Variants in GPATCH1 observed in about 807,000 individuals in gnomAD.
The protein encoded by GPATCH1 is G patch domain-containing protein 1.
In GPATCH1, 73 loss-of-function variants were observed where a neutral mutation model predicts 114.9. That is an observed-to-expected ratio of 0.64 (90% CI 0.53 to 0.77). GPATCH1 has a LOEUF of 0.77. GPATCH1 is among the 30% of genes least tolerant of loss of function. The pLI is 0.00. For synonymous variants in GPATCH1, 391 were observed against 428.4 expected (o/e 0.91, Z 1.08); for missense variants, 1,058 against 1,144.3 (o/e 0.92, Z 1.09).
chr19:33,093,861 C>T (rs1181476435), intron 4 of GPATCH1, among the ~76,000 whole-genome samples: 1 of 152,168 alleles, frequency 6.6e-6, no homozygotes, highest in African/African-American at 2.4e-5. Context: ...GGCTTGTGGC[C>T]TGATATGGCA....
rs754381743 is a variant in GPATCH1, at chr19:33,093,533, TCTGA to T, written c.455+18_455+21del. On this transcript the variant is annotated intron_variant, in intron 4 of 19. Transcript: ENST00000170564. ...AACGCCAGCAAAGTGAGCATTTCCT[TCTGA>T]CTGTCATGATCTTAGCACCGGTGTT... 3.1e-6 allele frequency: 5 copies of T among 1,607,448 alleles called. No individual in the cohort carries two copies. The highest frequency in any genetic ancestry group is 1.3e-5 in the African/African-American group (1 of 74,648).
At chr19:33,126,506 C>T in intron 18 of GPATCH1, 82 bp from the exon 19 acceptor site, 1 of 1,581,004 alleles carries the variant, frequency 6.3e-7, no homozygotes, top group Non-Finnish European at 8.5e-7. Context: ...TCCATCACTG[C>T]AGCCTTGTTA....
At chr19:33,107,863 T>A (rs956202199) in intron 10 of GPATCH1, among the ~76,000 whole-genome samples, 10 of 152,098 alleles carry the variant, frequency 6.6e-5, no homozygotes, top group African/African-American at 1.4e-4. Context: ...TATTTTTTTT[T>A]ATTATACTTT....
intron 17 of GPATCH1, among the ~76,000 whole-genome samples, chr19:33,124,471 A>G (rs1973018386): frequency 1.3e-5 from 2 of 152,206 alleles, no homozygotes; most frequent in Admixed American, 6.6e-5. Context: ...CACCGCTCCC[A>G]GCCCATTATG....
intron 9 of GPATCH1, among the ~76,000 whole-genome samples, chr19:33,104,351 G>GAAAAAGAA (rs796432569): frequency 7.1e-6 from 1 of 140,176 alleles, no homozygotes; most frequent in African/African-American, 2.8e-5. Context: ...AAAAAAGAAA[G>GAAAAAGAA]AAATACTTTG....
In GPATCH1 at chr19:33,088,156, C is replaced by G. The variant is rs749926716; in HGVS notation, c.96C>G (p.Ile32Met). 1 of 1,526,636 alleles carries G rather than the reference C, an allele frequency of 6.6e-7. No homozygotes were observed. The highest frequency in any genetic ancestry group is 8.8e-7 in the Non-Finnish European group (1 of 1,130,004). The allele number at this position is 1,526,636 out of a possible 1,614,324, so 94.6% of individuals were successfully genotyped here. A position where few individuals can be genotyped will look rare whatever the true frequency, so the allele number is the denominator to read the frequency against. The change falls in exon 2 of 20, where the codon ATC becomes ATG. Residue 32 changes from isoleucine (I) to methionine (M), a missense_variant. By Grantham distance (10) the Ile-to-Met change is conservative. Coordinates refer to ENST00000170564, the MANE Select transcript of GPATCH1 (RefSeq NM_018025.3). ...TAGGTGAAAGACCAAAGAAACCAAT[C>G]CCTCTTCAGGATCAGACTGTCAGAG... ...LEEGERPKKP[I>M]PLQDQTVRDE...
intron 5 of GPATCH1, 149 bp from the exon 6 acceptor site, chr19:33,095,613 G>C: frequency 1.5e-6 from 1 of 648,622 alleles, no homozygotes; most frequent in East Asian, 2.6e-5. Flanking sequence ...TGTTACCCAG[G>C]CTGGTCTTGA....
At chr19:33,095,055 G>T (rs542838377) in intron 5 of GPATCH1, among the ~76,000 whole-genome samples, 1 of 152,034 alleles carries the variant, frequency 6.6e-6, no homozygotes, top group African/African-American at 2.4e-5. Flanking sequence ...TCCCAGCTAC[G>T]ACTCAGGAGA....
At chr19:33,095,928 C>T in intron 6 of GPATCH1, 108 bp downstream of exon 6, 1 of 841,224 alleles carries the variant, frequency 1.2e-6, no homozygotes, top group Admixed American at 1.7e-5. Flanking sequence ...AATAACTATA[C>T]AGTTAAATAC....
chr19:33,122,458 G>A (rs1972996023), intron 17 of GPATCH1, among the ~76,000 whole-genome samples: 1 of 151,914 alleles, frequency 6.6e-6, no homozygotes, highest in Non-Finnish European at 1.5e-5. Context: ...CCAACTAGCT[G>A]GGACTACAGG....
At chr19:33,093,635 C>A in intron 4 of GPATCH1, 116 bp downstream of exon 4, 2 of 995,406 alleles carry the variant, frequency 2.0e-6, no homozygotes, top group South Asian at 1.6e-5. Flanking sequence ...GGCTCAAAGT[C>A]TAAGTGAAAA....
At chr19:33,110,516 A>G (rs1972839658) in intron 11 of GPATCH1, among the ~76,000 whole-genome samples, 1 of 152,186 alleles carries the variant, frequency 6.6e-6, no homozygotes, top group Non-Finnish European at 1.5e-5. Context: ...TTGCTGTTGT[A>G]TGCAGTAGTC....
In GPATCH1 at chr19:33,081,223, A is replaced by C. The variant is rs140377964; in HGVS notation, c.30A>C (p.Glu10Asp). The change falls in exon 1 of 20, where the codon GAA (glutamate) becomes GAC (aspartate). Residue 10 changes from glutamate to aspartate, a missense_variant. Glu to Asp is a conservative substitution (Grantham distance 45). Coordinates refer to ENST00000170564, the MANE Select transcript of GPATCH1 (RefSeq NM_018025.3). ...CGGCGCGGGACAGTGACAGCGAAGA[A>C]GATCTGGTCAGCTATGGGACCGGGC... The part of the protein sequence containing the change: MAARDSDSE[E>D]DLVSYGTGLE... The C allele has an allele frequency of 1.3e-6, 2 of 1,551,682 alleles. No individual in the cohort carries two copies. Among genetic ancestry groups the C allele is most frequent in the African/African-American group, 2.7e-5 (2 of 73,104 alleles).
chr19:33,081,224 G>A lies in GPATCH1; in HGVS notation c.31G>A (p.Asp11Asn). The A allele has an allele frequency of 1.3e-6, 2 of 1,551,862 alleles. No homozygotes were observed. Among genetic ancestry groups the A allele is most frequent in the South Asian group, 1.2e-5 (1 of 84,066 alleles). Residue 11 changes from aspartate to asparagine, a missense_variant, in exon 1 of 20, where the codon GAT becomes AAT. By Grantham distance (23) the Asp-to-Asn change is conservative (BLOSUM62 1). Around this residue, in one of 3 missense-constraint regions of GPATCH1, gnomAD observed 131 missense variants for 107.2 expected, o/e 1.22. Coordinates refer to ENST00000170564, the MANE Select transcript of GPATCH1 (RefSeq NM_018025.3). Reference protein sequence around the residue: MAARDSDSEEDLVSYGTGLEP... With the variant: MAARDSDSEENLVSYGTGLEP... ...GGCGCGGGACAGTGACAGCGAAGAA[G>A]ATCTGGTCAGCTATGGGACCGGGCT...
chr19:33,092,915 A>T (rs1972612601), intron 3 of GPATCH1, among the ~76,000 whole-genome samples: 1 of 152,164 alleles, frequency 6.6e-6, no homozygotes, highest in African/African-American at 2.4e-5. Flanking sequence ...GAGGCGGGGC[A>T]CGGTGGCTCA....
intron 19 of GPATCH1, among the ~76,000 whole-genome samples, chr19:33,128,319 G>A (rs1405740051): frequency 6.6e-6 from 1 of 152,112 alleles, no homozygotes; most frequent in Non-Finnish European, 1.5e-5. Flanking sequence ...GGAGTGCAGT[G>A]GCGCGATCTT....
intron 16 of GPATCH1, among the ~76,000 whole-genome samples, chr19:33,118,623 C>T (rs548268878): frequency 2.0e-5 from 3 of 152,232 alleles, no homozygotes; most frequent in East Asian, 1.9e-4. Context: ...ACTTGTCTCC[C>T]GCAGTTCTCT....
At chr19:33,103,178 T>C (rs1972746028) in intron 9 of GPATCH1, among the ~76,000 whole-genome samples, 1 of 152,236 alleles carries the variant, frequency 6.6e-6, no homozygotes, top group South Asian at 2.1e-4. Flanking sequence ...ATCAGCTTTT[T>C]GTTTTTTATT....
intron 15 of GPATCH1, among the ~76,000 whole-genome samples, chr19:33,116,942 C>T (rs1377458126): frequency 6.6e-6 from 1 of 152,056 alleles, no homozygotes; most frequent in Non-Finnish European, 1.5e-5. Flanking sequence ...CATCTATAAT[C>T]CCAGCACTTT....
Sources: gnomAD v4.1 joint callset for allele counts (sites outside exome capture counted in the v4.1 genomes callset) on GRCh38, gnomAD v4.1.1 for gene constraint, gnomAD v4.1.1 regional missense constraint, MANE v1.5 for transcripts, NCBI Gene and HGNC (gene_info 2026-07-23, HGNC 2026-07-21) for gene names.